Variants in ATXN8OS observed in about 807,000 individuals in gnomAD.
ATXN8OS encodes the protein ATXN8 opposite strand lncRNA.
intron 4 of ATXN8OS, among the ~76,000 whole-genome samples, chr13:70,156,682 A>T (rs1175899934): frequency 1.3e-5 from 2 of 152,150 alleles, no homozygotes; most frequent in East Asian, 1.9e-4. Flanking sequence ...AAGCTTTGTT[A>T]TAATGTTTTC....
intron 4 of ATXN8OS, among the ~76,000 whole-genome samples, chr13:70,155,266 ATCTTC>A (rs1888922822): frequency 6.6e-6 from 1 of 152,186 alleles, no homozygotes; most frequent in African/African-American, 2.4e-5. Flanking sequence ...AGTTTCTGCT[ATCTTC>A]TCAGCCCTCA....
intron 1 of ATXN8OS, among the ~76,000 whole-genome samples, chr13:70,114,042 T>G (rs1407316448): frequency 6.6e-6 from 1 of 152,240 alleles, no homozygotes; most frequent in Non-Finnish European, 1.5e-5. Flanking sequence ...TCAAATAAAT[T>G]ATATATTCAG....
intron 4 of ATXN8OS, among the ~76,000 whole-genome samples, chr13:70,153,979 A>T (rs1222371081): frequency 6.6e-6 from 1 of 152,034 alleles, no homozygotes; most frequent in Non-Finnish European, 1.5e-5. Context: ...GAGCCACTGC[A>T]CCTGGCCTGT....
chr13:70,171,734 T>C (rs1243414171), exon 5 of ATXN8OS, among the ~76,000 whole-genome samples: 1 of 152,078 alleles, frequency 6.6e-6, no homozygotes, highest in Admixed American at 6.6e-5. Context: ...ATGCAAATGT[T>C]CTACATCTTA....
intron 3 of ATXN8OS, among the ~76,000 whole-genome samples, chr13:70,147,016 A>G (rs1888795770): frequency 6.6e-6 from 1 of 152,172 alleles, no homozygotes; most frequent in South Asian, 2.1e-4. Context: ...TTCATATAAA[A>G]TTAAGTATGT....
At chr13:70,123,041 T>C (rs1888383892) in intron 2 of ATXN8OS, among the ~76,000 whole-genome samples, 1 of 152,034 alleles carries the variant, frequency 6.6e-6, no homozygotes, top group African/African-American at 2.4e-5. Context: ...TATCATAAGG[T>C]TCAACATATA....
chr13:70,115,925 T>C (rs1473061048), intron 2 of ATXN8OS, among the ~76,000 whole-genome samples: 1 of 152,106 alleles, frequency 6.6e-6, no homozygotes, highest in African/African-American at 2.4e-5. Context: ...ATATTATGTA[T>C]ATTCAGTTTA....
chr13:70,152,445 G>C (rs1888882010), intron 4 of ATXN8OS, among the ~76,000 whole-genome samples: 1 of 151,570 alleles, frequency 6.6e-6, no homozygotes. Flanking sequence ...ATATGTGTAT[G>C]TATGTGTATA....
At chr13:70,166,478 C>A (rs1889076840) in intron 4 of ATXN8OS, among the ~76,000 whole-genome samples, 1 of 151,998 alleles carries the variant, frequency 6.6e-6, no homozygotes, top group East Asian at 1.9e-4. Flanking sequence ...AAAGCTGAAA[C>A]TGGATCCCTT....
At chr13:70,158,295 G>A (rs1349479820) in intron 4 of ATXN8OS, among the ~76,000 whole-genome samples, 1 of 152,142 alleles carries the variant, frequency 6.6e-6, no homozygotes, top group Non-Finnish European at 1.5e-5. Flanking sequence ...GCCCTTGCCT[G>A]TAATCTCAGC....
intron 2 of ATXN8OS, among the ~76,000 whole-genome samples, chr13:70,121,234 C>T (rs1020971705): frequency 1.3e-5 from 2 of 151,906 alleles, no homozygotes; most frequent in Admixed American, 6.6e-5. Flanking sequence ...GGAAACCTCA[C>T]AAATTAGACA....
At chr13:70,114,301 TTCTGTATAAC>T (rs1457940107) in intron 1 of ATXN8OS, among the ~76,000 whole-genome samples, 2 of 152,150 alleles carry the variant, frequency 1.3e-5, no homozygotes, top group Non-Finnish European at 2.9e-5. Context: ...ACCTCTCCCT[TTCTGTATAAC>T]TCTAGTCACT....
At chr13:70,116,388 T>C (rs1277945371) in intron 2 of ATXN8OS, among the ~76,000 whole-genome samples, 1 of 152,128 alleles carries the variant, frequency 6.6e-6, no homozygotes, top group African/African-American at 2.4e-5. Context: ...ATTTCTCCTG[T>C]GTCCAAAAAT....
intron 3 of ATXN8OS, among the ~76,000 whole-genome samples, chr13:70,130,073 T>C (rs917343312): frequency 6.1e-5 from 9 of 146,870 alleles, no homozygotes; most frequent in African/African-American, 1.4e-4. Context: ...CCATGGACTT[T>C]CTCTCCAATC....
chr13:70,128,442 C>T (rs1362552602), intron 2 of ATXN8OS, among the ~76,000 whole-genome samples: 1 of 151,876 alleles, frequency 6.6e-6, no homozygotes, highest in African/African-American at 2.4e-5. Flanking sequence ...AGGCTGAACC[C>T]GTAGTTGTAC....
chr13:70,130,623 A>G (rs1446096576), intron 3 of ATXN8OS: 10 of 397,992 alleles, frequency 2.5e-5, no homozygotes, highest in African/African-American at 2.1e-4. Flanking sequence ...TAAGTAATGC[A>G]GAGCAACAAA....
intron 4 of ATXN8OS, among the ~76,000 whole-genome samples, chr13:70,168,067 T>G (rs1043559876): frequency 1.3e-5 from 2 of 152,114 alleles, no homozygotes. Context: ...CTTATAAGCA[T>G]TGGGCATTAC....
At chr13:70,121,611 G>T (rs2137475851) in intron 2 of ATXN8OS, among the ~76,000 whole-genome samples, 1 of 152,168 alleles carries the variant, frequency 6.6e-6, no homozygotes, top group East Asian at 1.9e-4. Flanking sequence ...GGGTATTAAT[G>T]CTTTCATTCA....
intron 3 of ATXN8OS, among the ~76,000 whole-genome samples, chr13:70,135,097 C>T (rs1888593945): frequency 6.6e-6 from 1 of 152,158 alleles, no homozygotes; most frequent in African/African-American, 2.4e-5. Context: ...ACAGAGGCTG[C>T]AAGTCCACCC....
Sources: gnomAD v4.1 joint callset for allele counts (sites outside exome capture counted in the v4.1 genomes callset) on GRCh38, gnomAD v4.1.1 for gene constraint, MANE v1.5 for transcripts, NCBI Gene and HGNC (gene_info 2026-07-23, HGNC 2026-07-21) for gene names.